Variants in GUCY1A2 observed in about 807,000 individuals in gnomAD.
GUCY1A2 encodes the protein guanylate cyclase 1 soluble subunit alpha 2.
A neutral mutation model predicts 63.5 loss-of-function variants in GUCY1A2; 27 were observed. The observed-to-expected ratio is 0.43, with a 90% CI of 0.31 to 0.59. The LOEUF is 0.59. GUCY1A2 is among the 20% of genes least tolerant of loss of function. The pLI, the probability that GUCY1A2 is intolerant of heterozygous loss-of-function variation, is 0.11. For synonymous variants in GUCY1A2, 364 were observed against 343.5 expected (o/e 1.06, Z -0.66); for missense variants, 768 against 913.3 (o/e 0.84, Z 2.05).
At chr11:106,747,351 A>G (rs17650551) in intron 6 of GUCY1A2, among the ~76,000 whole-genome samples, 12,817 of 152,260 alleles carry the variant, frequency 0.084, 588 homozygotes, top group South Asian at 0.15. Flanking sequence ...TAACCTTGAT[A>G]CTTTTCAGAA....
chr11:106,801,384 A>C (rs367763754), intron 5 of GUCY1A2, among the ~76,000 whole-genome samples: 35 of 152,216 alleles, frequency 2.3e-4, no homozygotes, highest in African/African-American at 8.2e-4. Context: ...GTTGTTGGAG[A>C]GACCGTACCA....
chr11:106,757,159 T>A (rs561427733), intron 6 of GUCY1A2, among the ~76,000 whole-genome samples: 218 of 152,342 alleles, frequency 1.4e-3, no homozygotes, highest in African/African-American at 5.1e-3. Context: ...AGCTTGTGTA[T>A]ACTTCATGAA....
intron 4 of GUCY1A2, among the ~76,000 whole-genome samples, chr11:106,814,053 G>A (rs1330411038): frequency 6.6e-6 from 1 of 152,054 alleles, no homozygotes; most frequent in African/African-American, 2.4e-5. Flanking sequence ...GTAGAAGCCT[G>A]AAGGTGAAGG....
intron 6 of GUCY1A2, among the ~76,000 whole-genome samples, chr11:106,752,981 A>G (rs1291690653): frequency 3.9e-5 from 6 of 152,144 alleles, no homozygotes; most frequent in Admixed American, 3.9e-4. Flanking sequence ...CACCAACAGC[A>G]TAAAAGCATT....
intron 4 of GUCY1A2, chr11:106,825,032 A>G (rs1158002100): frequency 7.1e-7 from 1 of 1,412,376 alleles, no homozygotes; most frequent in Non-Finnish European, 9.7e-7. Flanking sequence ...GTTAGACAAT[A>G]GTTTTTAAAA....
chr11:106,901,327 G>A (rs1860130104), intron 4 of GUCY1A2, among the ~76,000 whole-genome samples: 1 of 152,092 alleles, frequency 6.6e-6, no homozygotes, highest in African/African-American at 2.4e-5. Flanking sequence ...ACCAGCATCT[G>A]CAGTAACTTC....
At position 106,944,803 on chromosome 11, in the gene GUCY1A2, T is replaced by C. The variant is rs569300677; in HGVS notation, c.488-4625A>G. Among the ~76,000 whole-genome samples, 3 of 152,300 alleles carry C rather than the reference T, an allele frequency of 2.0e-5. No homozygotes were observed. In the South Asian group the frequency reaches 6.2e-4, roughly 32 times the overall value. On this transcript the variant is annotated intron_variant, in intron 3 of 7. Coordinates refer to ENST00000526355, the MANE Select transcript of GUCY1A2 (RefSeq NM_000855.3). ...ACCACATCTAACAAGTGCAGTATCA[T>C]AAACATACACTACAAAACTATCAGT...
At chr11:106,841,051 A>G (rs913252731) in intron 4 of GUCY1A2, among the ~76,000 whole-genome samples, 7 of 151,912 alleles carry the variant, frequency 4.6e-5, no homozygotes, top group African/African-American at 1.7e-4. Flanking sequence ...GATAAAGGAC[A>G]ATACCACACT....
chr11:106,716,685 C>A (rs1863219752), intron 6 of GUCY1A2, among the ~76,000 whole-genome samples: 1 of 139,110 alleles, frequency 7.2e-6, no homozygotes, highest in Admixed American at 8.1e-5. Context: ...AGGAGAATGG[C>A]ATGAACCCGG....
chr11:106,705,184 T>C lies in GUCY1A2; in HGVS notation c.1991+3328A>G, dbSNP rs201188995. Among the ~76,000 whole-genome samples the C allele has an allele frequency of 2.6e-5, 4 of 152,280 alleles. No homozygotes were observed. The East Asian group carries it at 7.7e-4, about 29-fold the overall frequency. Reference sequence around the variant, plus strand: ...GTTGATCAACAGAGGAATATATGTATGAAATATTAAAATATGGTGGAGTCA... The same window carrying C: ...GTTGATCAACAGAGGAATATATGTACGAAATATTAAAATATGGTGGAGTCA... On this transcript the variant is annotated intron_variant, in intron 7 of 7. Coordinates refer to ENST00000526355, the MANE Select transcript of GUCY1A2 (RefSeq NM_000855.3).
intron 6 of GUCY1A2, chr11:106,746,610 C>T: frequency 6.3e-7 from 1 of 1,596,558 alleles, no homozygotes; most frequent in Non-Finnish European, 8.5e-7. Flanking sequence ...TGGATGGAAA[C>T]AGGAAAGGAG....
chr11:106,846,766 G>C (rs1429985759), intron 4 of GUCY1A2, among the ~76,000 whole-genome samples: 2 of 151,440 alleles, frequency 1.3e-5, no homozygotes, highest in Non-Finnish European at 1.5e-5. Flanking sequence ...TCCTAAACTA[G>C]AGAACTGAAC....
chr11:106,779,345 C>T (rs568377493), intron 5 of GUCY1A2, among the ~76,000 whole-genome samples: 1 of 152,310 alleles, frequency 6.6e-6, no homozygotes, highest in South Asian at 2.1e-4. Context: ...AGACACCCAT[C>T]AAAGAATAAA....
At chr11:106,735,737 T>G (rs1863578374) in intron 6 of GUCY1A2, among the ~76,000 whole-genome samples, 1 of 152,160 alleles carries the variant, frequency 6.6e-6, no homozygotes, top group Non-Finnish European at 1.5e-5. Context: ...TGTACTAATT[T>G]ATTTTCCCAC....
intron 5 of GUCY1A2, among the ~76,000 whole-genome samples, chr11:106,801,781 A>C (rs1446084740): frequency 6.6e-6 from 1 of 152,174 alleles, no homozygotes; most frequent in Non-Finnish European, 1.5e-5. Context: ...ATTTTCCATG[A>C]TGTGATTATC....
At chr11:106,756,805 G>T (rs1273687582) in intron 6 of GUCY1A2, among the ~76,000 whole-genome samples, 1 of 152,118 alleles carries the variant, frequency 6.6e-6, no homozygotes, top group Non-Finnish European at 1.5e-5. Context: ...CAACCATGGT[G>T]AATCTGACGA....
chr11:106,818,062 T>C (rs150136157), intron 4 of GUCY1A2, among the ~76,000 whole-genome samples: 91 of 152,268 alleles, frequency 6.0e-4, no homozygotes, highest in African/African-American at 2.2e-3. Flanking sequence ...TTAAACACTA[T>C]AGCCAAAATA....
intron 4 of GUCY1A2, among the ~76,000 whole-genome samples, chr11:106,850,873 A>G (rs1859344343): frequency 6.6e-6 from 1 of 151,798 alleles, no homozygotes; most frequent in African/African-American, 2.4e-5. Context: ...TGGGATTACT[A>G]AACTGTATGG....
At chr11:106,796,213 G>A (rs959921235) in intron 5 of GUCY1A2, among the ~76,000 whole-genome samples, 1 of 152,120 alleles carries the variant, frequency 6.6e-6, no homozygotes, top group African/African-American at 2.4e-5. Context: ...CTGCACATGA[G>A]ATGGGTCTCC....
Sources: allele counts gnomAD v4.1 joint callset (sites outside exome capture counted in the v4.1 genomes callset), GRCh38; gene constraint gnomAD v4.1.1; transcripts MANE v1.5; gene names NCBI Gene and HGNC (gene_info 2026-07-23, HGNC 2026-07-21).